Variants in DNAJC3 observed in about 807,000 individuals in gnomAD.
The protein encoded by DNAJC3 is dnaJ homolog subfamily C member 3.
Under a neutral mutation model 68.6 loss-of-function variants are expected in DNAJC3, and 38 were observed. The ratio of observed to expected loss-of-function variants is 0.55; its 90% CI spans 0.43 to 0.73. DNAJC3 has a LOEUF of 0.73. DNAJC3 is among the 30% of genes least tolerant of loss of function. The probability of loss-of-function intolerance (pLI) is 0.00; values close to 1 mark genes in which losing one functional copy is unlikely to be tolerated. For synonymous variants in DNAJC3, 203 were observed against 204.0 expected, an observed-to-expected ratio of 1.00 and a Z score of 0.04; for missense variants, 526 against 591.9, an observed-to-expected ratio of 0.89 and a Z score of 1.16.
Position 95,763,964 on chromosome 13 carries a change from A to T in DNAJC3, c.1075+11A>T. The T allele has an allele frequency of 6.2e-7, 1 of 1,613,230 alleles. No homozygotes were observed. The highest frequency in any genetic ancestry group is 1.1e-5 in the South Asian group (1 of 90,802). ...AAATGTATGATGAAGGTAAATCTTT[A>T]AGGATTTGATTTGCAGTACCGAAGT... On this transcript the variant is annotated intron_variant, in intron 9 of 11. Transcript: ENST00000602402.
chr13:95,766,902 A>G (rs1883008541), intron 9 of DNAJC3, among the ~76,000 whole-genome samples: 4 of 152,150 alleles, frequency 2.6e-5, no homozygotes, highest in Non-Finnish European at 1.5e-5. Flanking sequence ...GGGTTTCACC[A>G]TGTTGGCCAG....
intron 1 of DNAJC3, among the ~76,000 whole-genome samples, chr13:95,677,727 G>A (rs1829121378): frequency 6.6e-6 from 1 of 152,248 alleles, no homozygotes; most frequent in African/African-American, 2.4e-5. Context: ...TGCTGGCTGG[G>A]AGGAGGCACT....
At chr13:95,721,002 A>G (rs1429830650) in intron 2 of DNAJC3, among the ~76,000 whole-genome samples, 1 of 152,152 alleles carries the variant, frequency 6.6e-6, no homozygotes, top group African/African-American at 2.4e-5. Context: ...ATCCATTTCC[A>G]GAACTTTTTC....
chr13:95,686,552 A>G (rs1206887172), intron 1 of DNAJC3, among the ~76,000 whole-genome samples: 1 of 152,168 alleles, frequency 6.6e-6, no homozygotes, highest in African/African-American at 2.4e-5. Context: ...TAGTTTTTGT[A>G]TATGCTGGGA....
intron 1 of DNAJC3, among the ~76,000 whole-genome samples, chr13:95,696,141 A>G (rs773008229): frequency 6.6e-6 from 1 of 152,208 alleles, no homozygotes; most frequent in African/African-American, 2.4e-5. Flanking sequence ...CTCGATCCAC[A>G]TGAATATCGA....
intron 2 of DNAJC3, among the ~76,000 whole-genome samples, chr13:95,720,852 A>T (rs1021397380): frequency 1.1e-4 from 16 of 151,938 alleles, no homozygotes; most frequent in Non-Finnish European, 2.1e-4. Flanking sequence ...TTCCTTTTTT[A>T]AAAAATACAT....
intron 4 of DNAJC3, among the ~76,000 whole-genome samples, chr13:95,731,099 AT>A (rs1419802470): frequency 4.0e-5 from 6 of 151,880 alleles, no homozygotes; most frequent in African/African-American, 1.2e-4. Flanking sequence ...AGTTTAAGTG[AT>A]TTCATTATTG....
intron 9 of DNAJC3, among the ~76,000 whole-genome samples, chr13:95,776,701 A>C (rs1883301806): frequency 6.6e-6 from 1 of 152,200 alleles, no homozygotes; most frequent in South Asian, 2.1e-4. Context: ...TTAGTTTCCT[A>C]CTGTGAGGGA....
intron 10 of DNAJC3, 129 bp from the exon 11 acceptor site, chr13:95,786,878 T>C: frequency 9.2e-7 from 1 of 1,091,150 alleles, no homozygotes; most frequent in Non-Finnish European, 1.3e-6. Context: ...TGGCCTGTGA[T>C]ACCATTGGAA....
chr13:95,773,070 C>T (rs1248610443), intron 9 of DNAJC3, among the ~76,000 whole-genome samples: 1 of 148,222 alleles, frequency 6.7e-6, no homozygotes, highest in African/African-American at 2.5e-5. Context: ...TGAGAGAATT[C>T]ACCAGTAAAA....
chr13:95,756,347 G>C (rs900648679), intron 4 of DNAJC3, among the ~76,000 whole-genome samples: 1 of 152,098 alleles, frequency 6.6e-6, no homozygotes, highest in African/African-American at 2.4e-5. Flanking sequence ...CAATCATTCC[G>C]GGAAACCCTC....
rs1172235499 is a variant in DNAJC3 at position 95,787,004 on chromosome 13, C to G, written c.1209-3C>G. 6.2e-7 allele frequency: 1 copy of G among 1,604,560 alleles called. No individual in the cohort carries two copies. The highest frequency in any genetic ancestry group is 8.5e-7 in the Non-Finnish European group (1 of 1,177,474). On this transcript the variant is annotated splice_polypyrimidine_tract_variant and splice_region_variant and intron_variant, in intron 10 of 11. Transcript: ENST00000602402. ...AATGATTATTTATTTTACCACCCCT[C>G]AGAAATGCCAAAAAGCAAGAAATTA...
chr13:95,763,607 G>C, intron 7 of DNAJC3, 36 bp from the exon 8 acceptor site: 1 of 1,594,398 alleles, frequency 6.3e-7, no homozygotes, highest in Non-Finnish European at 8.6e-7. Context: ...GAAATCAAAT[G>C]TCATCATTTC....
intron 4 of DNAJC3, among the ~76,000 whole-genome samples, chr13:95,740,751 AAT>A: frequency 6.6e-6 from 1 of 152,284 alleles, no homozygotes; most frequent in East Asian, 1.9e-4. Flanking sequence ...CTCAGATGGA[AAT>A]GCAGAAATCA....
chr13:95,781,442 T>G lies in DNAJC3; in HGVS notation c.1076-4497T>G, dbSNP rs118058977. Among the ~76,000 whole-genome samples the G allele has an allele frequency of 1.5e-3, 224 of 152,240 alleles. 2 individuals are homozygous for G. The East Asian group carries it at 0.039, about 27-fold the overall frequency. ...GTGCTTGCATTGTGGTTCTCTCTAC[T>G]TAGGTTTATTACTAATGTGCTCCTG... On this transcript the variant is annotated intron_variant, in intron 9 of 11. Coordinates refer to ENST00000602402, the MANE Select transcript of DNAJC3 (RefSeq NM_006260.5).
At chr13:95,769,044 A>G (rs973874157) in intron 9 of DNAJC3, among the ~76,000 whole-genome samples, 1 of 147,244 alleles carries the variant, frequency 6.8e-6, no homozygotes, top group East Asian at 2.0e-4. Context: ...CTATATCTAT[A>G]TCTATATATC....
intron 9 of DNAJC3, among the ~76,000 whole-genome samples, chr13:95,764,714 A>AATACATG (rs1882937701): frequency 5.1e-5 from 7 of 136,154 alleles, no homozygotes; most frequent in South Asian, 2.2e-4. Context: ...ATACATATAT[A>AATACATG]TATACACATA....
At chr13:95,707,662 A>G (rs183467689) in intron 1 of DNAJC3, among the ~76,000 whole-genome samples, 2 of 152,334 alleles carry the variant, frequency 1.3e-5, no homozygotes, top group Admixed American at 1.3e-4. Flanking sequence ...GACCGAAATC[A>G]TGTAGTTACT....
At position 95,759,964 on chromosome 13, in the gene DNAJC3, T is replaced by TA. The variant is rs1368926521; in HGVS notation, c.547-70dup. The stretch of plus-strand genomic sequence containing the variant: ...TGTTTTATGTTGATAAATACGTAGA[T>TA]AAAAAATACGTGGAATGCAACAATG... On this transcript the variant is annotated intron_variant, in intron 5 of 11. Transcript: ENST00000602402. The TA allele has an allele frequency of 5.5e-5, 76 of 1,390,812 alleles. No homozygotes were observed. In the East Asian group the frequency reaches 7.7e-4, roughly 14 times the overall value. 86.2% of individuals were successfully genotyped at this position (1,390,812 alleles called of 1,614,324 possible).
Sources: gnomAD v4.1 joint callset for allele counts (sites outside exome capture counted in the v4.1 genomes callset) on GRCh38, gnomAD v4.1.1 for gene constraint, MANE v1.5 for transcripts, NCBI Gene and HGNC (gene_info 2026-07-23, HGNC 2026-07-21) for gene names.